IMMP2L: variants seen among roughly 807,000 people sequenced by gnomAD.
IMMP2L encodes inner mitochondrial membrane peptidase subunit 2.
IMMP2L carries 18 observed loss-of-function variants against 19.3 expected under a neutral mutation model. That is an observed-to-expected ratio of 0.93 (90% CI 0.64 to 1.38). The LOEUF (loss-of-function observed/expected upper bound fraction) is 1.38. Among genes scored for constraint, IMMP2L ranks in the 40% most tolerant of loss-of-function variants. The pLI, the probability that IMMP2L is intolerant of heterozygous loss-of-function variation, is 0.00. For synonymous variants in IMMP2L, 76 were observed against 73.0 expected (o/e 1.04, Z -0.21); for missense variants, 233 against 218.2 (o/e 1.07, Z -0.43).
chr7:111,263,650 C>T (rs1817551509), intron 3 of IMMP2L, among the ~76,000 whole-genome samples: 1 of 152,026 alleles, frequency 6.6e-6, no homozygotes, highest in South Asian at 2.1e-4. Context: ...AAACCACAAG[C>T]CTGGATGAAA....
At position 111,254,718 on chromosome 7, in the gene IMMP2L, C is replaced by T. The variant is rs189199532; in HGVS notation, c.239+232520G>A. 8.5e-5 allele frequency among the ~76,000 whole-genome samples: 13 copies of T among 152,162 alleles called. 1 individual carries two copies. In the East Asian group the frequency reaches 2.1e-3, roughly 25 times the overall value. On this transcript the variant is annotated intron_variant, in intron 3 of 5. Transcript: ENST00000405709. The stretch of plus-strand genomic sequence containing the variant: ...CCACCCACATATAACTAAATCTGCA[C>T]AACATAAGTCCCAGAGTCGTCCTGC...
chr7:110,967,295 CT>C (rs1433942800), intron 3 of IMMP2L, among the ~76,000 whole-genome samples: 1 of 151,964 alleles, frequency 6.6e-6, no homozygotes, highest in African/African-American at 2.4e-5. Flanking sequence ...AATTTTCACC[CT>C]GTTGGGAGCA....
At position 110,758,267 on chromosome 7, in the gene IMMP2L, G is replaced by C. The variant is rs868340618; in HGVS notation, c.409-94546C>G. ...TGACTGGAGTGGACTTAAGAGAATG[G>C]GAGGAGAAAAAACACCAGTTGTGAG... On this transcript the variant is annotated intron_variant, in intron 5 of 5. Transcript: ENST00000405709. The surrounding 1 kb of genome is among the most constrained non-coding windows in gnomAD (Gnocchi z 4.6). Among the ~76,000 whole-genome samples, 1 of 152,014 alleles carries C rather than the reference G, an allele frequency of 6.6e-6. No homozygotes were observed. Among genetic ancestry groups the C allele is most frequent in the African/African-American group, 2.4e-5 (1 of 41,388 alleles).
In IMMP2L at chr7:111,213,015, C is replaced by G. The variant is rs1332158768; in HGVS notation, c.240-249450G>C. 6.6e-6 allele frequency among the ~76,000 whole-genome samples: 1 copy of G among 152,226 alleles called. No homozygotes were observed. The highest frequency in any genetic ancestry group is 1.5e-5 in the Non-Finnish European group (1 of 68,046). On this transcript the variant is annotated intron_variant, in intron 3 of 5. Coordinates refer to ENST00000405709, the MANE Select transcript of IMMP2L (RefSeq NM_032549.4). The surrounding 1 kb of genome is among the most constrained non-coding windows in gnomAD (Gnocchi z 4.8). ...AGGACTGCGCTCTCCACAGAGCTGG[C>G]AGGAGCTGGAAGCAGCCAGAAGCCC... is the stretch of plus-strand genomic sequence containing the variant.
chr7:111,398,250 C>T (rs976701019), intron 3 of IMMP2L, among the ~76,000 whole-genome samples: 4 of 151,984 alleles, frequency 2.6e-5, no homozygotes, highest in Non-Finnish European at 5.9e-5. Context: ...CTAACCTAAT[C>T]CAACAACATA....
Position 111,124,627 on chromosome 7 carries a change from A to G in IMMP2L, c.240-161062T>C, listed in dbSNP as rs1205896844. 6.2e-6 allele frequency: 10 copies of G among 1,614,032 alleles called. No homozygotes were observed. In the South Asian group the frequency reaches 1.1e-4, roughly 18 times the overall value. Reference sequence around the variant, plus strand: ...CACCAAAGGTTTGCACCCTGATCAAAAAGAGTATGAAAAGAATAATACCAC... The same window carrying G: ...CACCAAAGGTTTGCACCCTGATCAAGAAGAGTATGAAAAGAATAATACCAC... On this transcript the variant is annotated intron_variant, in intron 3 of 5. Transcript: ENST00000405709.
intron 5 of IMMP2L, among the ~76,000 whole-genome samples, chr7:110,795,693 T>G: frequency 6.6e-6 from 1 of 152,140 alleles, no homozygotes; most frequent in Admixed American, 6.6e-5. Flanking sequence ...ACCCCAGAGC[T>G]GATGCCTTGT....
chr7:110,736,598 CAT>C (rs1324093661), intron 5 of IMMP2L, among the ~76,000 whole-genome samples: 1 of 151,778 alleles, frequency 6.6e-6, no homozygotes, highest in Admixed American at 6.6e-5. Flanking sequence ...AGAAAGCAGA[CAT>C]AGAGTCAAAG....
At chr7:111,225,575 T>G (rs534523577) in intron 3 of IMMP2L, among the ~76,000 whole-genome samples, 1 of 151,834 alleles carries the variant, frequency 6.6e-6, no homozygotes, top group South Asian at 2.1e-4. Flanking sequence ...AGGAAAGTAC[T>G]ACTTATTGAG....
chr7:111,456,676 T>C (rs1295318842), intron 3 of IMMP2L, among the ~76,000 whole-genome samples: 4 of 151,756 alleles, frequency 2.6e-5, no homozygotes, highest in African/African-American at 9.7e-5. Context: ...CTTTGTATTG[T>C]TGAAGGCTAC....
At position 111,280,792 on chromosome 7, in the gene IMMP2L, G is replaced by A. The variant is rs186935932; in HGVS notation, c.239+206446C>T. On this transcript the variant is annotated intron_variant, in intron 3 of 5. Transcript: ENST00000405709. ...AACAAAGAAAGGAGTGAAATTGGCC[G>A]GGTGCGGTGGCTCAGGCCTGTAATC... Among the ~76,000 whole-genome samples, 44 of 152,180 alleles carry A rather than the reference G, an allele frequency of 2.9e-4. No homozygotes were observed. In the South Asian group the frequency reaches 4.1e-3, roughly 14 times the overall value.
chr7:111,339,767 A>T (rs1826827281), intron 3 of IMMP2L, among the ~76,000 whole-genome samples: 1 of 152,080 alleles, frequency 6.6e-6, no homozygotes, highest in South Asian at 2.1e-4. Context: ...ATACTTGCAT[A>T]GTAAAAGAAT....
At chr7:110,867,473 T>C (rs907797453) in intron 5 of IMMP2L, among the ~76,000 whole-genome samples, 3 of 151,966 alleles carry the variant, frequency 2.0e-5, no homozygotes, top group Non-Finnish European at 4.4e-5. Context: ...AATTCTACAA[T>C]AAAATGTATG....
chr7:111,112,869 T>C (rs1485181347), intron 3 of IMMP2L, among the ~76,000 whole-genome samples: 1 of 152,190 alleles, frequency 6.6e-6, no homozygotes, highest in Non-Finnish European at 1.5e-5. Context: ...CCCGAAAATG[T>C]GGTGCTATAA....
intron 5 of IMMP2L, among the ~76,000 whole-genome samples, chr7:110,686,675 T>C (rs533730548): frequency 1.3e-5 from 2 of 152,196 alleles, no homozygotes; most frequent in East Asian, 3.9e-4. Context: ...CCCTCATTTC[T>C]AATTAGTTTA....
At chr7:110,876,026 C>CA (rs1351941716) in intron 5 of IMMP2L, among the ~76,000 whole-genome samples, 2 of 151,662 alleles carry the variant, frequency 1.3e-5, no homozygotes, top group Admixed American at 1.3e-4. Flanking sequence ...ATCATTTCTT[C>CA]AAAAAAACGG....
intron 5 of IMMP2L, among the ~76,000 whole-genome samples, chr7:110,783,037 G>A (rs182363180): frequency 1.4e-4 from 22 of 151,966 alleles, no homozygotes; most frequent in Admixed American, 1.2e-3. Context: ...AAGGATATGA[G>A]CTGGAAATGT....
intron 3 of IMMP2L, among the ~76,000 whole-genome samples, chr7:111,411,161 G>A (rs1337040160): frequency 6.7e-6 from 1 of 149,882 alleles, no homozygotes; most frequent in Non-Finnish European, 1.5e-5. Context: ...CATAATATAG[G>A]AGTAAATATA....
At chr7:111,087,536 T>A (rs1221327255) in intron 3 of IMMP2L, among the ~76,000 whole-genome samples, 1 of 151,818 alleles carries the variant, frequency 6.6e-6, no homozygotes, top group Non-Finnish European at 1.5e-5. Context: ...CAATCCCAAT[T>A]TGAATAGAAT....
Sources: gnomAD v4.1 joint callset for allele counts (sites outside exome capture counted in the v4.1 genomes callset) on GRCh38, gnomAD v4.1.1 for gene constraint, Gnocchi (gnomAD v3.1) non-coding constraint, MANE v1.5 for transcripts, NCBI Gene and HGNC (gene_info 2026-07-23, HGNC 2026-07-21) for gene names.